Variants in DNAH11 observed in about 807,000 individuals in gnomAD.
The protein encoded by DNAH11 is dynein axonemal heavy chain 11.
A neutral mutation model predicts 526.0 loss-of-function variants in DNAH11; 442 were observed. The observed-to-expected ratio is 0.84, with a 90% CI of 0.78 to 0.91. DNAH11 has a LOEUF of 0.91. DNAH11 is among the 40% of genes least tolerant of loss of function. DNAH11 has a pLI of 0.00. For missense variants in DNAH11, 6,989 were observed against 5,448.7 expected (o/e 1.28, Z -8.90); for synonymous variants, 2,461 against 1,935.9 (o/e 1.27, Z -7.12).
At chr7:21,580,168 CAGGG>C (rs1364129017) in intron 8 of DNAH11, among the ~76,000 whole-genome samples, 1 of 152,106 alleles carries the variant, frequency 6.6e-6, no homozygotes, top group Non-Finnish European at 1.5e-5. Flanking sequence ...TGACAGATAT[CAGGG>C]AGGGAGACTA....
intron 65 of DNAH11, among the ~76,000 whole-genome samples, chr7:21,837,873 A>G (rs996608329): frequency 2.6e-5 from 4 of 152,182 alleles, no homozygotes; most frequent in African/African-American, 9.6e-5. Flanking sequence ...CAATGAGATG[A>G]TGGATATGCT....
intron 8 of DNAH11, among the ~76,000 whole-genome samples, chr7:21,579,409 C>G (rs1298205088): frequency 6.6e-6 from 1 of 152,136 alleles, no homozygotes; most frequent in Non-Finnish European, 1.5e-5. Context: ...TGTAGACAGG[C>G]AGTTATCATA....
At chr7:21,855,224 G>T (rs1782796856) in intron 68 of DNAH11, among the ~76,000 whole-genome samples, 1 of 151,928 alleles carries the variant, frequency 6.6e-6, no homozygotes, top group Admixed American at 6.6e-5. Context: ...GAAGGGATGG[G>T]GTTTCACCGT....
chr7:21,570,883 TAAAAAA>T (rs10603947), intron 7 of DNAH11, among the ~76,000 whole-genome samples: 4 of 147,064 alleles, frequency 2.7e-5, no homozygotes, highest in African/African-American at 9.9e-5. Context: ...TGGCTTAGTT[TAAAAAA>T]AAAAAAAAAA....
At chr7:21,558,771 A>T in intron 2 of DNAH11, 31 bp from the exon 3 acceptor site, 1 of 1,508,986 alleles carries the variant, frequency 6.6e-7, no homozygotes, top group Non-Finnish European at 8.9e-7. Flanking sequence ...ATTGTCTGTA[A>T]ATTAATTTAA....
At chr7:21,834,590 T>C (rs1781919815) in intron 65 of DNAH11, among the ~76,000 whole-genome samples, 1 of 152,168 alleles carries the variant, frequency 6.6e-6, no homozygotes, top group South Asian at 2.1e-4. Context: ...TCCAACACTT[T>C]GGGAGGCCAA....
intron 30 of DNAH11, among the ~76,000 whole-genome samples, chr7:21,659,699 G>T (rs576010044): frequency 4.6e-5 from 7 of 152,026 alleles, no homozygotes; most frequent in Non-Finnish European, 8.8e-5. Context: ...TCCCAATGTT[G>T]CACAGTTTAT....
chr7:21,764,246 A>G (rs1435528818), intron 54 of DNAH11, among the ~76,000 whole-genome samples: 2 of 149,200 alleles, frequency 1.3e-5, no homozygotes, highest in South Asian at 2.2e-4. Flanking sequence ...ATTGTTGAAT[A>G]CACATGGCAT....
At chr7:21,854,583 T>C in intron 68 of DNAH11, 128 bp downstream of exon 68, 1 of 1,092,900 alleles carries the variant, frequency 9.1e-7, no homozygotes, top group Non-Finnish European at 1.2e-6. Context: ...AGAGTCTCAC[T>C]CTGTAGCCCA....
At position 21,601,387 on chromosome 7, in the gene DNAH11, A is replaced by G. The variant is rs1583517886; in HGVS notation, c.3426-9A>G. Reference sequence around the variant, plus strand: ...TTTGTGTGTATCTATGTACATATATATTTAATAGTCTGAATGAGCTACAAG... The same window carrying G: ...TTTGTGTGTATCTATGTACATATATGTTTAATAGTCTGAATGAGCTACAAG... On this transcript the variant is annotated splice_polypyrimidine_tract_variant and intron_variant, in intron 17 of 81. Coordinates refer to ENST00000409508, the MANE Select transcript of DNAH11 (RefSeq NM_001277115.2). The G allele has an allele frequency of 6.2e-7, 1 of 1,607,104 alleles. No individual in the cohort carries two copies. Among genetic ancestry groups the G allele is most frequent in the South Asian group, 1.1e-5 (1 of 90,406 alleles).
In DNAH11 at chr7:21,570,218, A is replaced by G; in HGVS notation, c.1344A>G (p.Arg448=). Residue 448 remains arginine, a synonymous_variant, in exon 7 of 82, where the codon AGA becomes AGG. Coordinates refer to ENST00000409508, the MANE Select transcript of DNAH11 (RefSeq NM_001277115.2). ...AATTGGCAAGCTACTTTATGGGAAG[A>G]AAGCTGAGACCATGGGATTTCCAGT... ...RKKLASYFMG[R]KLRPWDFQSH... 6.2e-7 allele frequency: 1 copy of G among 1,613,482 alleles called. No homozygotes were observed. The highest frequency in any genetic ancestry group is 1.3e-5 in the African/African-American group (1 of 75,042).
At chr7:21,712,718 A>G (rs1188908560) in intron 42 of DNAH11, among the ~76,000 whole-genome samples, 2 of 152,208 alleles carry the variant, frequency 1.3e-5, no homozygotes, top group Non-Finnish European at 2.9e-5. Context: ...CCAGTTTTTA[A>G]TCGGTGCTTT....
chr7:21,623,630 C>T (rs1182448029), intron 25 of DNAH11, among the ~76,000 whole-genome samples: 1 of 151,968 alleles, frequency 6.6e-6, no homozygotes, highest in Non-Finnish European at 1.5e-5. Context: ...GAATACTATG[C>T]AGCCATAAAA....
intron 67 of DNAH11, among the ~76,000 whole-genome samples, 191 bp from the exon 68 acceptor site, chr7:21,854,122 TCA>T (rs1210286369): frequency 6.6e-6 from 1 of 152,188 alleles, no homozygotes; most frequent in East Asian, 1.9e-4. Context: ...TCACTGAAAC[TCA>T]GTTTATTAAA....
chr7:21,860,369 A>G (rs949997550), intron 68 of DNAH11, among the ~76,000 whole-genome samples: 1 of 152,200 alleles, frequency 6.6e-6, no homozygotes, highest in Admixed American at 6.5e-5. Context: ...CACAGCCACT[A>G]TGGAAAACAG....
At chr7:21,825,515 TGAGA>T (rs1790247185) in intron 65 of DNAH11, among the ~76,000 whole-genome samples, 1 of 152,198 alleles carries the variant, frequency 6.6e-6, no homozygotes, top group African/African-American at 2.4e-5. Flanking sequence ...TTCAGAGAAC[TGAGA>T]GAGACTTTTA....
At chr7:21,641,293 G>A (rs961232304) in intron 28 of DNAH11, among the ~76,000 whole-genome samples, 1 of 152,112 alleles carries the variant, frequency 6.6e-6, no homozygotes, top group Non-Finnish European at 1.5e-5. Context: ...AAAAAGGCGG[G>A]GGAGATGCCA....
intron 76 of DNAH11, among the ~76,000 whole-genome samples, chr7:21,890,041 G>T (rs1784275670): frequency 6.6e-6 from 1 of 152,190 alleles, no homozygotes; most frequent in Non-Finnish European, 1.5e-5. Context: ...TGCTGCTAGG[G>T]TACGAGGAAG....
At chr7:21,858,437 A>T (rs796458951) in intron 68 of DNAH11, among the ~76,000 whole-genome samples, 3 of 152,360 alleles carry the variant, frequency 2.0e-5, no homozygotes, top group African/African-American at 7.2e-5. Flanking sequence ...TAGATGCTTT[A>T]TTCATAAAAG....
Sources: allele counts gnomAD v4.1 joint callset (sites outside exome capture counted in the v4.1 genomes callset), GRCh38; gene constraint gnomAD v4.1.1; transcripts MANE v1.5; gene names NCBI Gene and HGNC (gene_info 2026-07-23, HGNC 2026-07-21).